Variants in ANKRD17 observed in about 807,000 individuals in gnomAD.
ANKRD17 encodes ankyrin repeat domain 17.
A neutral mutation model predicts 229.7 loss-of-function variants in ANKRD17; 19 were observed. The observed-to-expected ratio is 0.08, with a 90% confidence interval of 0.06 to 0.12. The LOEUF is 0.12. Ranked by LOEUF, ANKRD17 falls within the 10% of genes least tolerant of loss-of-function variation. ANKRD17 has a pLI of 1.00. For missense variants in ANKRD17, 2,176 were observed against 3,176.8 expected (o/e 0.68, Z 7.57); for synonymous variants, 1,112 against 1,146.1 (o/e 0.97, Z 0.60).
At chr4:73,099,209 TCCGCTCCCA>T (rs1723657041) in intron 25 of ANKRD17, 2 of 619,736 alleles carry the variant, frequency 3.2e-6, no homozygotes, top group Non-Finnish European at 6.1e-6. Context: ...CAGCTTTTGC[TCCGCTCCCA>T]CCGCCCCCGC....
rs1722857287 is a variant in ANKRD17 at position 73,092,192 on chromosome 4, G to C, written c.5436C>G (p.Ser1812=). 6.2e-7 allele frequency: 1 copy of C among 1,613,972 alleles called. No homozygotes were observed. The highest frequency in any genetic ancestry group is 2.2e-5 in the East Asian group (1 of 44,886). The change falls in exon 29 of 34, where the codon TCC becomes TCG. Residue 1812 remains serine (S), a synonymous_variant. Coordinates refer to ENST00000358602, the MANE Select transcript of ANKRD17 (RefSeq NM_032217.5). ...ATGACCCTATTTTGGAATTTGCTGAGGAGCTTTTCAAACGATTCTTTGGAA... is the reference window on the plus strand; with the variant it reads ...ATGACCCTATTTTGGAATTTGCTGACGAGCTTTTCAAACGATTCTTTGGAA... ...ELIPKNRLKS[S]SANSKIGSSA...
At chr4:73,176,301 C>T (rs932660842) in intron 2 of ANKRD17, among the ~76,000 whole-genome samples, 1 of 152,096 alleles carries the variant, frequency 6.6e-6, no homozygotes, top group African/African-American at 2.4e-5. Flanking sequence ...CAGGCAATGA[C>T]AAATGCTGGA....
At chr4:73,113,322 A>C in intron 24 of ANKRD17, 1 of 1,289,390 alleles carries the variant, frequency 7.8e-7, no homozygotes, top group Non-Finnish European at 1.0e-6. Context: ...CTGAAAGAGA[A>C]AAGTACAAGA....
intron 1 of ANKRD17, among the ~76,000 whole-genome samples, chr4:73,257,735 A>AAC (rs1251538005): frequency 6.6e-6 from 1 of 152,132 alleles, no homozygotes; most frequent in Non-Finnish European, 1.5e-5. Context: ...CAGTATGGAA[A>AAC]AGTACAGCTT....
intron 24 of ANKRD17, among the ~76,000 whole-genome samples, chr4:73,106,417 G>T (rs1374944725): frequency 6.6e-6 from 1 of 152,100 alleles, no homozygotes; most frequent in Admixed American, 6.5e-5. Context: ...AAATACTGCA[G>T]ATTTAGATAT....
intron 16 of ANKRD17, among the ~76,000 whole-genome samples, chr4:73,129,606 A>T (rs769333583): frequency 6.6e-6 from 1 of 151,814 alleles, no homozygotes; most frequent in Non-Finnish European, 1.5e-5. Flanking sequence ...ACTCATAGCT[A>T]CTCATGAGTT....
At chr4:73,184,490 T>C (rs918883011) in intron 1 of ANKRD17, among the ~76,000 whole-genome samples, 7 of 138,324 alleles carry the variant, frequency 5.1e-5, no homozygotes, top group African/African-American at 1.7e-4. Flanking sequence ...GATAGCGCCA[T>C]TGCACCCAGC....
chr4:73,215,531 T>A (rs910758982), intron 1 of ANKRD17, among the ~76,000 whole-genome samples: 11 of 152,308 alleles, frequency 7.2e-5, no homozygotes, highest in African/African-American at 2.4e-4. Flanking sequence ...GTGCTGGGAT[T>A]ATAGGTGTGG....
intron 29 of ANKRD17, among the ~76,000 whole-genome samples, chr4:73,086,147 C>G (rs1359910302): frequency 6.6e-6 from 1 of 152,162 alleles, no homozygotes; most frequent in Admixed American, 6.5e-5. Flanking sequence ...TAAAAAGGAT[C>G]ATTAGTTTTC....
At chr4:73,204,982 A>T (rs552381965) in intron 1 of ANKRD17, among the ~76,000 whole-genome samples, 7 of 152,306 alleles carry the variant, frequency 4.6e-5, no homozygotes, top group Admixed American at 1.3e-4. Context: ...AGCAAAAAGT[A>T]CAAAGCTGAA....
chr4:73,081,187 T>C (rs1362100154), intron 30 of ANKRD17, among the ~76,000 whole-genome samples: 2 of 152,182 alleles, frequency 1.3e-5, no homozygotes, highest in Non-Finnish European at 2.9e-5. Context: ...GCCAATCACA[T>C]TCCTCATCAA....
intron 33 of ANKRD17, among the ~76,000 whole-genome samples, 178 bp downstream of exon 33, chr4:73,076,762 C>T (rs936005581): frequency 1.3e-5 from 2 of 152,124 alleles, no homozygotes; most frequent in Non-Finnish European, 2.9e-5. Flanking sequence ...AATTTTAGCC[C>T]CAAACCTGCC....
At chr4:73,162,294 C>A (rs756585654) in intron 2 of ANKRD17, among the ~76,000 whole-genome samples, 32 of 152,086 alleles carry the variant, frequency 2.1e-4, no homozygotes, top group Non-Finnish European at 4.1e-4. Context: ...AAGGAATCCT[C>A]CGGCCTCAGC....
chr4:73,158,282 C>T (rs1285108301), intron 3 of ANKRD17, among the ~76,000 whole-genome samples: 1 of 152,220 alleles, frequency 6.6e-6, no homozygotes, highest in Non-Finnish European at 1.5e-5. Flanking sequence ...AAGCTGAAAT[C>T]CTTACAAGAT....
chr4:73,101,390 G>A (rs184641165), intron 25 of ANKRD17, among the ~76,000 whole-genome samples: 4 of 152,190 alleles, frequency 2.6e-5, no homozygotes, highest in South Asian at 2.1e-4. Flanking sequence ...GGTGGCTGGC[G>A]CAGTGGCTCA....
chr4:73,117,815 A>T (rs1726154801), intron 22 of ANKRD17, among the ~76,000 whole-genome samples: 1 of 152,202 alleles, frequency 6.6e-6, no homozygotes, highest in Non-Finnish European at 1.5e-5. Context: ...AGATCAATGG[A>T]TTATCAAACA....
At chr4:73,210,331 C>A (rs186566839) in intron 1 of ANKRD17, among the ~76,000 whole-genome samples, 85 of 152,058 alleles carry the variant, frequency 5.6e-4, no homozygotes, top group Non-Finnish European at 9.3e-4. Context: ...TTAGCAGTTA[C>A]AATAATATCA....
chr4:73,200,825 T>A (rs1401000065), intron 1 of ANKRD17, among the ~76,000 whole-genome samples: 3 of 152,042 alleles, frequency 2.0e-5, no homozygotes, highest in Non-Finnish European at 4.4e-5. Flanking sequence ...AAGAACCAGA[T>A]CCCTGTACTC....
At position 73,077,538 on chromosome 4, in the gene ANKRD17, G is replaced by A; in HGVS notation, c.7409-5C>T. 2 of 1,546,386 alleles carry A rather than the reference G, an allele frequency of 1.3e-6. No homozygotes were observed. The highest frequency in any genetic ancestry group is 1.2e-5 in the South Asian group (1 of 80,592). On this transcript the variant is annotated splice_polypyrimidine_tract_variant and splice_region_variant and intron_variant, in intron 31 of 33. Transcript: ENST00000358602. ...GGTTACACCAGTCTACTTTGTCTGA[G>A]GGCAAACAAAGAGGCAAAACAAAAA...
Sources: gnomAD v4.1 joint callset for allele counts (sites outside exome capture counted in the v4.1 genomes callset) on GRCh38, gnomAD v4.1.1 for gene constraint, MANE v1.5 for transcripts, NCBI Gene and HGNC (gene_info 2026-07-23, HGNC 2026-07-21) for gene names.